FBXO15: variants seen among roughly 807,000 people sequenced by gnomAD.
FBXO15 encodes F-box protein 15, also known as F-box only protein 15.
In FBXO15, 30 loss-of-function variants were observed where a neutral mutation model predicts 49.5. The observed-to-expected ratio is 0.61, with a 90% CI of 0.45 to 0.82. The LOEUF is 0.82. Ranked by LOEUF, FBXO15 falls within the 40% of genes least tolerant of loss-of-function variation. The probability of loss-of-function intolerance (pLI) is 0.00; values close to 1 mark genes in which losing one functional copy is unlikely to be tolerated. For synonymous variants in FBXO15, 250 were observed against 232.7 expected, an observed-to-expected ratio of 1.07 and a Z score of -0.68; for missense variants, 591 against 631.5, an observed-to-expected ratio of 0.94 and a Z score of 0.69.
rs1022254132 is a variant in FBXO15 at position 74,126,050 on chromosome 18, T to G, written c.837A>C (p.Ile279=). The G allele has an allele frequency of 3.1e-6, 5 of 1,613,938 alleles. No homozygotes were observed. The highest frequency in any genetic ancestry group is 4.2e-6 in the Non-Finnish European group (5 of 1,179,964). ...GTCTGTCACAGCCAATCATGGTAGATATGGTCAAATGACTCAGATTGTACT... is the reference window on the plus strand; with the variant it reads ...GTCTGTCACAGCCAATCATGGTAGAGATGGTCAAATGACTCAGATTGTACT... ...IAKYNLSHLT[I]STMIGCDRLI... is the part of the protein sequence containing the mutation. The change falls in exon 6 of 10, where the codon ATA becomes ATC. Residue 279 remains isoleucine, a synonymous_variant. Transcript: ENST00000419743.
intron 8 of FBXO15, among the ~76,000 whole-genome samples, chr18:74,111,712 A>G (rs1914039168): frequency 6.6e-6 from 1 of 152,172 alleles, no homozygotes; most frequent in Non-Finnish European, 1.5e-5. Context: ...TAAAATTAAA[A>G]ACAGAAGATC....
chr18:74,110,921 A>T (rs961708325), intron 8 of FBXO15, among the ~76,000 whole-genome samples: 1 of 152,238 alleles, frequency 6.6e-6, no homozygotes, highest in Non-Finnish European at 1.5e-5. Context: ...GCAAAAACTA[A>T]TAGAACAGCA....
At chr18:74,131,313 T>G (rs1978377113) in intron 3 of FBXO15, among the ~76,000 whole-genome samples, 1 of 152,208 alleles carries the variant, frequency 6.6e-6, no homozygotes, top group Non-Finnish European at 1.5e-5. Context: ...CTGGTATTCC[T>G]GTCCCCACTG....
chr18:74,119,363 T>A (rs1285416901), intron 8 of FBXO15, among the ~76,000 whole-genome samples: 1 of 152,198 alleles, frequency 6.6e-6, no homozygotes, highest in African/African-American at 2.4e-5. Context: ...TTGTGATATT[T>A]ATGTGCAAGC....
intron 8 of FBXO15, among the ~76,000 whole-genome samples, chr18:74,105,883 T>A (rs1264133945): frequency 6.6e-6 from 1 of 152,196 alleles, no homozygotes; most frequent in Non-Finnish European, 1.5e-5. Context: ...ACAGATTTAA[T>A]ATGAATCTGC....
chr18:74,112,739 T>A (rs930346245), intron 8 of FBXO15, among the ~76,000 whole-genome samples: 2 of 152,212 alleles, frequency 1.3e-5, no homozygotes, highest in Non-Finnish European at 2.9e-5. Flanking sequence ...AGAGATGACA[T>A]GACCATCTTG....
chr18:74,116,658 C>G (rs1914245769), intron 8 of FBXO15, among the ~76,000 whole-genome samples: 1 of 152,152 alleles, frequency 6.6e-6, no homozygotes, highest in Non-Finnish European at 1.5e-5. Flanking sequence ...CTGGTGTGCC[C>G]TTCCTCAGAA....
chr18:74,095,578 TG>T (rs1913239008), intron 8 of FBXO15, among the ~76,000 whole-genome samples: 1 of 152,192 alleles, frequency 6.6e-6, no homozygotes, highest in African/African-American at 2.4e-5. Context: ...GGGCACTGTC[TG>T]AGGTGCCCCA....
At chr18:74,106,765 A>G (rs1381592572) in intron 8 of FBXO15, among the ~76,000 whole-genome samples, 1 of 152,176 alleles carries the variant, frequency 6.6e-6, no homozygotes, top group African/African-American at 2.4e-5. Flanking sequence ...TGTCCTTTTC[A>G]CCTCTCAAAT....
At chr18:74,101,551 A>G (rs1304542781) in intron 8 of FBXO15, among the ~76,000 whole-genome samples, 2 of 152,212 alleles carry the variant, frequency 1.3e-5, no homozygotes, top group Admixed American at 6.5e-5. Flanking sequence ...AAAGCGATCT[A>G]TAAATTCAAT....
At chr18:74,139,016 C>T (rs528752831) in intron 2 of FBXO15, among the ~76,000 whole-genome samples, 82 of 152,262 alleles carry the variant, frequency 5.4e-4, no homozygotes, top group African/African-American at 1.9e-3. Flanking sequence ...ATGGGCTCCC[C>T]GACCCCCACA....
At chr18:74,123,537 C>T (rs776923512) in intron 7 of FBXO15, 27 bp from the exon 8 acceptor site, 2 of 1,577,842 alleles carry the variant, frequency 1.3e-6, no homozygotes, top group Non-Finnish European at 1.7e-6. Context: ...AAGAAACATA[C>T]AAATTTGTCA....
intron 8 of FBXO15, among the ~76,000 whole-genome samples, chr18:74,085,959 G>A (rs1462892681): frequency 2.0e-5 from 3 of 152,150 alleles, no homozygotes; most frequent in Non-Finnish European, 4.4e-5. Context: ...ACACTAATTT[G>A]TAACACTTTC....
chr18:74,140,371 T>G, intron 1 of FBXO15, 59 bp from the exon 2 acceptor site: 1 of 1,432,338 alleles, frequency 7.0e-7, no homozygotes, highest in Non-Finnish European at 9.4e-7. Context: ...GAATTATCTA[T>G]TCCCTTCTAC....
chr18:74,105,117 T>C (rs983154300), intron 8 of FBXO15, among the ~76,000 whole-genome samples: 2 of 152,098 alleles, frequency 1.3e-5, no homozygotes, highest in Non-Finnish European at 2.9e-5. Flanking sequence ...AAAATGTGTA[T>C]CTCATGAAGA....
At chr18:74,096,499 T>C (rs1027368118) in intron 8 of FBXO15, among the ~76,000 whole-genome samples, 1 of 144,356 alleles carries the variant, frequency 6.9e-6, no homozygotes, top group African/African-American at 2.6e-5. Context: ...TGGCAGTAAA[T>C]AATATCTAAG....
chr18:74,128,197 G>A (rs1978297297), intron 5 of FBXO15, among the ~76,000 whole-genome samples: 1 of 152,048 alleles, frequency 6.6e-6, no homozygotes, highest in Admixed American at 6.5e-5. Flanking sequence ...AATAAAACCT[G>A]GATTTGCCAG....
chr18:74,096,165 G>A (rs1913264644), intron 8 of FBXO15, among the ~76,000 whole-genome samples: 1 of 152,120 alleles, frequency 6.6e-6, no homozygotes, highest in African/African-American at 2.4e-5. Flanking sequence ...GGGAAGTACT[G>A]AGCGTGCCTG....
At chr18:74,108,029 T>C (rs1913847865) in intron 8 of FBXO15, among the ~76,000 whole-genome samples, 1 of 152,118 alleles carries the variant, frequency 6.6e-6, no homozygotes, top group Non-Finnish European at 1.5e-5. Flanking sequence ...GAGACTGAGA[T>C]CTAACCAAAG....
Sources: gnomAD v4.1 joint callset for allele counts (sites outside exome capture counted in the v4.1 genomes callset) on GRCh38, gnomAD v4.1.1 for gene constraint, MANE v1.5 for transcripts, NCBI Gene and HGNC (gene_info 2026-07-23, HGNC 2026-07-21) for gene names.